Variants in RFWD3 observed in about 807,000 individuals in gnomAD.
RFWD3 encodes the protein E3 ubiquitin-protein ligase RFWD3.
In RFWD3, 65 loss-of-function variants were observed where a neutral mutation model predicts 87.7. The observed-to-expected ratio is 0.74, with a 90% CI of 0.61 to 0.91. RFWD3 has a LOEUF of 0.91. Among genes scored for constraint, RFWD3 ranks in the 40% least tolerant of loss-of-function variants. The probability of loss-of-function intolerance (pLI) is 0.00; values close to 1 mark genes in which losing one functional copy is unlikely to be tolerated. For missense variants in RFWD3, 1,078 were observed against 938.5 expected, an observed-to-expected ratio of 1.15 and a Z score of -1.94; for synonymous variants, 433 against 352.8, an observed-to-expected ratio of 1.23 and a Z score of -2.55.
At chr16:74,644,222 C>A in intron 6 of RFWD3, 140 bp downstream of exon 6, 1 of 788,066 alleles carries the variant, frequency 1.3e-6, no homozygotes, top group Non-Finnish European at 2.2e-6. Context: ...CAGTGTAAGA[C>A]AGACTGCCAA....
Position 74,661,374 on chromosome 16 carries a change from T to C in RFWD3, c.76A>G (p.Met26Val), listed in dbSNP as rs1437645017. The C allele has an allele frequency of 6.2e-7, 1 of 1,613,550 alleles. No individual in the cohort carries two copies. The highest frequency in any genetic ancestry group is 1.7e-5 in the Admixed American group (1 of 60,000). The change falls in exon 2 of 13, where the codon ATG becomes GTG. Residue 26 changes from methionine to valine, a missense_variant. Met to Val is a conservative substitution (Grantham distance 21). Transcript: ENST00000361070. Reference sequence around the variant, plus strand: ...GCTGGTCCCCCTTGGCTGCTGGCCATGCCAGCAGGAGCTGGCTGTTGTTCG... The same window carrying C: ...GCTGGTCCCCCTTGGCTGCTGGCCACGCCAGCAGGAGCTGGCTGTTGTTCG... ...HAEQQPAPAG[M>V]ASSQGGPALL...
intron 1 of RFWD3, 107 bp from the exon 2 acceptor site, chr16:74,661,558 T>C (rs781458186): frequency 1.3e-5 from 14 of 1,061,618 alleles, no homozygotes; most frequent in Admixed American, 4.8e-5. Flanking sequence ...ATATCATTCT[T>C]AGCAAGACTG....
chr16:74,655,784 C>A (rs1225935933), intron 2 of RFWD3, among the ~76,000 whole-genome samples: 1 of 152,130 alleles, frequency 6.6e-6, no homozygotes, highest in Non-Finnish European at 1.5e-5. Context: ...CCTCGGCCTC[C>A]CAAAGTGCTG....
At chr16:74,630,744 G>C (rs1959068514) in intron 10 of RFWD3, 37 bp downstream of exon 10, 2 of 1,535,432 alleles carry the variant, frequency 1.3e-6, no homozygotes, top group Non-Finnish European at 1.8e-6. Flanking sequence ...CCAAGAGAAA[G>C]CTGCTACCAC....
chr16:74,639,234 C>T (rs1959424917), intron 6 of RFWD3, among the ~76,000 whole-genome samples: 2 of 152,092 alleles, frequency 1.3e-5, no homozygotes, highest in Non-Finnish European at 2.9e-5. Flanking sequence ...GACAGGGTTT[C>T]ACCATGTTGC....
At chr16:74,656,005 G>A (rs1717914663) in intron 2 of RFWD3, among the ~76,000 whole-genome samples, 1 of 152,060 alleles carries the variant, frequency 6.6e-6, no homozygotes, top group Non-Finnish European at 1.5e-5. Flanking sequence ...GGTGATTAAT[G>A]TTATTTTCAT....
In RFWD3 at chr16:74,652,053, A is replaced by G. The variant is rs776526678; in HGVS notation, c.588T>C (p.Tyr196=). The change falls in exon 3 of 13, where the codon TAT becomes TAC. Residue 196 remains tyrosine, a synonymous_variant. Coordinates refer to ENST00000361070, the MANE Select transcript of RFWD3 (RefSeq NM_018124.4). ...ATACAGGATTCCTAGTCTCTGAATC[A>G]TAAGTGGTAGCTGGCAAGTCAGGCT... ...RTQPDLPATT[Y]DSETRNPVSE... 66 of 1,614,072 alleles carry G rather than the reference A, an allele frequency of 4.1e-5. No individual in the cohort carries two copies. The East Asian group carries it at 1.2e-3, about 28-fold the overall frequency.
At chr16:74,641,212 G>T (rs146554355) in intron 6 of RFWD3, among the ~76,000 whole-genome samples, 1 of 151,854 alleles carries the variant, frequency 6.6e-6, no homozygotes, top group South Asian at 2.1e-4. Context: ...GCCCAAGCAG[G>T]AGTGCAATGG....
intron 11 of RFWD3, among the ~76,000 whole-genome samples, chr16:74,627,282 A>G (rs572497108): frequency 3.3e-5 from 5 of 152,306 alleles, no homozygotes; most frequent in Admixed American, 1.3e-4. Context: ...TTACCTCAGC[A>G]TCTGTTTTTA....
At chr16:74,661,553 ATT>A in intron 1 of RFWD3, 102 bp from the exon 2 acceptor site, 8 of 1,112,876 alleles carry the variant, frequency 7.2e-6, no homozygotes, top group Non-Finnish European at 1.0e-5. Context: ...GTTTAATATC[ATT>A]CTTAGCAAGA....
intron 2 of RFWD3, among the ~76,000 whole-genome samples, chr16:74,659,304 A>G (rs182611277): frequency 1.3e-5 from 2 of 152,148 alleles, no homozygotes; most frequent in African/African-American, 4.8e-5. Context: ...ACCACTCACA[A>G]CTCTCAACCA....
At chr16:74,659,611 A>G (rs1024271594) in intron 2 of RFWD3, among the ~76,000 whole-genome samples, 1 of 151,058 alleles carries the variant, frequency 6.6e-6, no homozygotes, top group Non-Finnish European at 1.5e-5. Flanking sequence ...CAAAAAAAAA[A>G]CCCAGAGTAA....
intron 4 of RFWD3, among the ~76,000 whole-genome samples, chr16:74,646,574 T>A (rs1960163435): frequency 6.6e-6 from 1 of 151,990 alleles, no homozygotes; most frequent in Admixed American, 6.6e-5. Context: ...GATCATGAAG[T>A]CAGGAGATCG....
Position 74,661,240 on chromosome 16 carries a change from G to C in RFWD3, c.210C>G (p.Leu70=). 1.9e-6 allele frequency: 3 copies of C among 1,614,164 alleles called. No homozygotes were observed. Among genetic ancestry groups the C allele is most frequent in the South Asian group, 2.2e-5 (2 of 91,076 alleles). The stretch of plus-strand genomic sequence containing the variant: ...CAACAGACAGTTGCGGAGCAGGCTG[G>C]AGCAGGGGTGGTGTCGCTTGGCTGC... ...VISSQATPPL[L]QPAPQLSVDL... Residue 70 remains leucine, a synonymous_variant, in exon 2 of 13, where the codon CTC becomes CTG. Transcript: ENST00000361070.
chr16:74,624,118 G>C, intron 12 of RFWD3, 47 bp from the exon 13 acceptor site: 5 of 1,586,596 alleles, frequency 3.2e-6, no homozygotes, highest in Non-Finnish European at 4.3e-6. Flanking sequence ...GTCAGTACAC[G>C]AAGGGACTTC....
intron 1 of RFWD3, among the ~76,000 whole-genome samples, chr16:74,666,105 G>A (rs1961872381): frequency 6.6e-6 from 1 of 152,180 alleles, no homozygotes; most frequent in South Asian, 2.1e-4. Flanking sequence ...GGAAGGGAGA[G>A]AGGGAAAGAA....
At chr16:74,660,803 A>G (rs1961364786) in intron 2 of RFWD3, 129 bp downstream of exon 2, 1 of 970,906 alleles carries the variant, frequency 1.0e-6, no homozygotes, top group Non-Finnish European at 1.5e-6. Context: ...ATTTCCACCT[A>G]TGAGGAACTG....
intron 10 of RFWD3, among the ~76,000 whole-genome samples, chr16:74,629,627 A>T (rs1392009508): frequency 6.6e-6 from 1 of 151,976 alleles, no homozygotes; most frequent in African/African-American, 2.4e-5. Context: ...ACACCATCTT[A>T]AAAAAACAAA....
chr16:74,637,595 T>C (rs1202622728), intron 7 of RFWD3, among the ~76,000 whole-genome samples: 1 of 152,144 alleles, frequency 6.6e-6, no homozygotes, highest in Non-Finnish European at 1.5e-5. Context: ...ATCACATCAC[T>C]GCACTCCAGC....
Sources: allele counts gnomAD v4.1 joint callset (sites outside exome capture counted in the v4.1 genomes callset), GRCh38; gene constraint gnomAD v4.1.1; transcripts MANE v1.5; gene names NCBI Gene and HGNC (gene_info 2026-07-23, HGNC 2026-07-21).